The following NUDT6 variants were observed in gnomAD, a reference collection of about 807,000 sequenced individuals.
NUDT6 encodes the protein FAD diphosphatase NUDT6.
Under a neutral mutation model 36.8 loss-of-function variants are expected in NUDT6, and 24 were observed. The ratio of observed to expected loss-of-function variants is 0.65; its 90% CI spans 0.47 to 0.92. The LOEUF is 0.92. NUDT6 is among the 40% of genes least tolerant of loss of function. The probability of loss-of-function intolerance (pLI) is 0.00; values close to 1 mark genes in which losing one functional copy is unlikely to be tolerated. For synonymous variants in NUDT6, 163 were observed against 157.0 expected (o/e 1.04, Z -0.29); for missense variants, 388 against 392.8 (o/e 0.99, Z 0.10).
At chr4:122,894,179 A>T (rs1298093828) in intron 4 of NUDT6, 1 of 152,262 alleles carries the variant, frequency 6.6e-6, no homozygotes, top group East Asian at 1.9e-4. Context: ...GCATAGAAAG[A>T]GTATAATGTT....
rs184614458 is a variant in NUDT6, at chr4:122,897,508, C to T, written c.553+116G>A. ...TGAGGTAATTTCTGAAATGTTCAGACTCAGTCGGAACAAATTGGAAAATTT... is the reference window on the plus strand; with the variant it reads ...TGAGGTAATTTCTGAAATGTTCAGATTCAGTCGGAACAAATTGGAAAATTT... On this transcript the variant is annotated intron_variant, in intron 4 of 4. Transcript: ENST00000304430. 5.4e-6 allele frequency: 4 copies of T among 745,278 alleles called. No homozygotes were observed. In the East Asian group the frequency reaches 1.0e-4, roughly 19 times the overall value. 46.2% of individuals were successfully genotyped at this position (745,278 alleles called of 1,614,324 possible). A position where few individuals can be genotyped will look rare whatever the true frequency, so the allele number is the denominator to read the frequency against.
At chr4:122,899,044 A>ATTTTTTTTTTT (rs113708696) in intron 3 of NUDT6, among the ~76,000 whole-genome samples, 14,551 of 69,024 alleles carry the variant, frequency 0.21, 3,831 homozygotes, top group East Asian at 0.52. Context: ...ACCACACCTA[A>ATTTTTTTTTTT]TTTTTTTTTT....
intron 1 of NUDT6, 61 bp downstream of exon 1, chr4:122,922,274 G>A: frequency 7.0e-7 from 1 of 1,435,380 alleles, no homozygotes; most frequent in African/African-American, 1.4e-5. Flanking sequence ...AGTGGGGGCC[G>A]CGGTTATTTC....
chr4:122,909,509 C>T (rs536554857), intron 3 of NUDT6, among the ~76,000 whole-genome samples: 1 of 151,952 alleles, frequency 6.6e-6, no homozygotes, highest in African/African-American at 2.4e-5. Flanking sequence ...TTTTTTACCC[C>T]GAAAACCTCA....
intron 3 of NUDT6, among the ~76,000 whole-genome samples, chr4:122,908,053 T>C (rs1051375296): frequency 2.6e-5 from 4 of 152,044 alleles, no homozygotes; most frequent in African/African-American, 9.7e-5. Context: ...TAACTAAAAA[T>C]AAAATCCTAA....
At position 122,905,427 on chromosome 4, in the gene NUDT6, T is replaced by A. The variant is rs541713087; in HGVS notation, c.498+7141A>T. 3.9e-5 allele frequency among the ~76,000 whole-genome samples: 6 copies of A among 152,334 alleles called. No individual in the cohort carries two copies. The South Asian group carries it at 1.0e-3, about 26-fold the overall frequency. ...ATCATAGCATATTTTACTCAGTAGG[T>A]TCTTTTTACATTTGGATCTTTTGTT... On this transcript the variant is annotated intron_variant, in intron 3 of 4. Transcript: ENST00000304430.
At chr4:122,916,423 C>G (rs945265768) in intron 2 of NUDT6, among the ~76,000 whole-genome samples, 2 of 152,086 alleles carry the variant, frequency 1.3e-5, no homozygotes, top group Non-Finnish European at 2.9e-5. Flanking sequence ...AGTAATTGTT[C>G]AAATCATTGA....
At chr4:122,914,748 C>G (rs1288545100) in intron 2 of NUDT6, among the ~76,000 whole-genome samples, 1 of 152,094 alleles carries the variant, frequency 6.6e-6, no homozygotes, top group Non-Finnish European at 1.5e-5. Context: ...CTCACATTTC[C>G]ATCCCATTCA....
At chr4:122,912,399 A>G (rs985472952) in intron 3 of NUDT6, among the ~76,000 whole-genome samples, 169 bp downstream of exon 3, 1 of 152,196 alleles carries the variant, frequency 6.6e-6, no homozygotes, top group Non-Finnish European at 1.5e-5. Flanking sequence ...CAAGGTCTGT[A>G]TAAGTAGTTT....
chr4:122,917,362 C>T, intron 2 of NUDT6, 139 bp downstream of exon 2: 1 of 745,796 alleles, frequency 1.3e-6, no homozygotes, highest in Non-Finnish European at 2.3e-6. Context: ...ACATCCTGTG[C>T]AGATAGGGTG....
chr4:122,907,466 T>C (rs76996196), intron 3 of NUDT6, among the ~76,000 whole-genome samples: 1 of 148,346 alleles, frequency 6.7e-6, no homozygotes, highest in African/African-American at 2.5e-5. Flanking sequence ...TTTTTTTTTT[T>C]CTGAGACAGA....
chr4:122,901,420 T>C (rs143173799), intron 3 of NUDT6, among the ~76,000 whole-genome samples: 1 of 152,326 alleles, frequency 6.6e-6, no homozygotes, highest in Non-Finnish European at 1.5e-5. Context: ...AATTTTCCTA[T>C]ACATTTGCCA....
chr4:122,911,117 A>T (rs1727724756), intron 3 of NUDT6, among the ~76,000 whole-genome samples: 1 of 152,100 alleles, frequency 6.6e-6, no homozygotes, highest in South Asian at 2.1e-4. Flanking sequence ...TATTGGAGAG[A>T]GTTATAATAT....
chr4:122,916,545 C>T (rs149454883), intron 2 of NUDT6, among the ~76,000 whole-genome samples: 144 of 152,246 alleles, frequency 9.5e-4, no homozygotes, highest in African/African-American at 3.3e-3. Flanking sequence ...TCCCTGATCC[C>T]AATTCAGTGC....
At chr4:122,905,759 TAACA>T (rs1727605361) in intron 3 of NUDT6, among the ~76,000 whole-genome samples, 1 of 152,180 alleles carries the variant, frequency 6.6e-6, no homozygotes, top group Admixed American at 6.5e-5. Context: ...TCAAATCCTT[TAACA>T]AATATTTGGA....
chr4:122,896,643 G>T (rs1200914823), intron 4 of NUDT6: 3 of 152,144 alleles, frequency 2.0e-5, no homozygotes, highest in Admixed American at 6.6e-5. Context: ...CTGAAACCAA[G>T]ATTGGCTAGA....
At chr4:122,912,465 A>G in intron 3 of NUDT6, 103 bp downstream of exon 3, 1 of 784,160 alleles carries the variant, frequency 1.3e-6, no homozygotes, top group South Asian at 1.6e-5. Context: ...TTTTTAAAAT[A>G]CCTTTCTATA....
chr4:122,916,926 A>G (rs895959649), intron 2 of NUDT6, among the ~76,000 whole-genome samples: 1 of 152,240 alleles, frequency 6.6e-6, no homozygotes, highest in Non-Finnish European at 1.5e-5. Flanking sequence ...ATGGATAGGT[A>G]GCCTATGGAT....
intron 3 of NUDT6, among the ~76,000 whole-genome samples, chr4:122,905,463 G>A (rs555134237): frequency 3.9e-5 from 6 of 152,232 alleles, no homozygotes; most frequent in African/African-American, 9.6e-5. Context: ...ATTTGAATGC[G>A]AATGAGGATG....
Sources: gnomAD v4.1 joint callset for allele counts (sites outside exome capture counted in the v4.1 genomes callset) on GRCh38, gnomAD v4.1.1 for gene constraint, MANE v1.5 for transcripts, NCBI Gene and HGNC (gene_info 2026-07-23, HGNC 2026-07-21) for gene names.